GPC6: variants seen among roughly 807,000 people sequenced by gnomAD.
The protein encoded by GPC6 is glypican-6.
GPC6 carries 14 observed loss-of-function variants against 55.2 expected under a neutral mutation model. The ratio of observed to expected loss-of-function variants is 0.25; its 90% CI spans 0.17 to 0.40. The LOEUF is 0.40. GPC6 is among the 10% of genes least tolerant of loss of function. The pLI is 1.00. For synonymous variants in GPC6, 278 were observed against 259.6 expected (o/e 1.07, Z -0.68); for missense variants, 641 against 708.5 (o/e 0.90, Z 1.08).
chr13:93,732,476 T>G (rs1044026528), intron 2 of GPC6, among the ~76,000 whole-genome samples: 1 of 152,174 alleles, frequency 6.6e-6, no homozygotes, highest in Non-Finnish European at 1.5e-5. Context: ...TGAGATATGA[T>G]TAAAAAGATT....
intron 4 of GPC6, among the ~76,000 whole-genome samples, chr13:94,199,052 C>T (rs1889672673): frequency 6.6e-6 from 1 of 152,138 alleles, no homozygotes; most frequent in Admixed American, 6.5e-5. Flanking sequence ...AATGGCATGC[C>T]AGGTTGGCAT....
At position 94,405,269 on chromosome 13, in the gene GPC6, T is replaced by A. The variant is rs1042491783; in HGVS notation, c.*2052T>A. 1.3e-5 allele frequency: 2 copies of A among 152,194 alleles called. No individual in the cohort carries two copies. Among genetic ancestry groups the A allele is most frequent in the Non-Finnish European group, 2.9e-5 (2 of 68,040 alleles). 9.4% of individuals were successfully genotyped at this position (152,194 alleles called of 1,614,324 possible). A position where few individuals can be genotyped will look rare whatever the true frequency, so the allele number is the denominator to read the frequency against. The stretch of plus-strand genomic sequence containing the variant: ...ATGAAATTAACCATCTAGTTCATCA[T>A]TACATACTCCTAGAAAACCATCCAT... On this transcript the variant is annotated 3_prime_UTR_variant, in exon 9 of 9. Coordinates refer to ENST00000377047, the MANE Select transcript of GPC6 (RefSeq NM_005708.5).
chr13:93,296,920 T>C (rs779738587), intron 1 of GPC6, among the ~76,000 whole-genome samples: 1 of 152,016 alleles, frequency 6.6e-6, no homozygotes, highest in Non-Finnish European at 1.5e-5. Context: ...GGAGCAGCCA[T>C]GAGGTAGACA....
chr13:93,994,267 C>T (rs1276637233), intron 3 of GPC6, among the ~76,000 whole-genome samples: 1 of 152,068 alleles, frequency 6.6e-6, no homozygotes, highest in Non-Finnish European at 1.5e-5. Flanking sequence ...AGGTTTATTG[C>T]TATACCATAA....
chr13:93,373,878 GA>G (rs1209435761), intron 1 of GPC6, among the ~76,000 whole-genome samples: 1 of 152,008 alleles, frequency 6.6e-6, no homozygotes, highest in East Asian at 1.9e-4. Flanking sequence ...CAGTAACAAG[GA>G]AAAATGTGCA....
In GPC6 at chr13:93,227,930, C is replaced by G. The variant is rs1467012692; in HGVS notation, c.160+314C>G. Among the ~76,000 whole-genome samples, 1 of 152,164 alleles carries G rather than the reference C, an allele frequency of 6.6e-6. No homozygotes were observed. The highest frequency in any genetic ancestry group is 1.5e-5 in the Non-Finnish European group (1 of 68,026). ...GCTGGCCAGGGAGCCCGGGTCACTC[C>G]GGGGCGGCTGCAAGGCGCAGACGGA... On this transcript the variant is annotated intron_variant, in intron 1 of 8. Coordinates refer to ENST00000377047, the MANE Select transcript of GPC6 (RefSeq NM_005708.5). The surrounding 1 kb of genome is among the most constrained non-coding windows in gnomAD (Gnocchi z 4.3).
At chr13:93,372,662 G>A (rs919849070) in intron 1 of GPC6, among the ~76,000 whole-genome samples, 28 of 152,138 alleles carry the variant, frequency 1.8e-4, no homozygotes, top group Middle Eastern at 3.4e-3. Flanking sequence ...TGCCTCCCCC[G>A]TTCACTTTTT....
intron 1 of GPC6, among the ~76,000 whole-genome samples, chr13:93,509,004 T>A (rs1880840161): frequency 6.6e-6 from 1 of 152,198 alleles, no homozygotes; most frequent in African/African-American, 2.4e-5. Context: ...GAGAGGTGAC[T>A]CCACTGGGAA....
intron 1 of GPC6, among the ~76,000 whole-genome samples, chr13:93,331,990 C>T (rs1310708617): frequency 6.6e-6 from 1 of 152,094 alleles, no homozygotes; most frequent in Non-Finnish European, 1.5e-5. Context: ...GCTTATTTCA[C>T]TTAACATGAT....
chr13:94,306,407 A>C (rs1875951462), intron 6 of GPC6: 1 of 475,078 alleles, frequency 2.1e-6, no homozygotes, highest in Non-Finnish European at 3.8e-6. Flanking sequence ...TTGAAAACTA[A>C]GTTGCCAGTT....
At chr13:94,286,614 A>G (rs1892539147) in intron 5 of GPC6, 135 bp downstream of exon 5, 13 of 771,842 alleles carry the variant, frequency 1.7e-5, no homozygotes, top group Non-Finnish European at 2.1e-5. Flanking sequence ...CTGTTGAGCC[A>G]CAAATTTGCT....
intron 6 of GPC6, among the ~76,000 whole-genome samples, chr13:94,312,198 A>G (rs1161249888): frequency 6.6e-6 from 1 of 152,252 alleles, no homozygotes; most frequent in Non-Finnish European, 1.5e-5. Context: ...TCTGTTTTGT[A>G]TATGAATCTT....
chr13:94,135,094 C>A (rs1887135653), intron 4 of GPC6, among the ~76,000 whole-genome samples: 1 of 152,128 alleles, frequency 6.6e-6, no homozygotes, highest in Non-Finnish European at 1.5e-5. Flanking sequence ...GACCTCAAGT[C>A]CCTTTGAGAC....
chr13:93,753,751 C>T (rs1323562431), intron 2 of GPC6, among the ~76,000 whole-genome samples: 1 of 152,070 alleles, frequency 6.6e-6, no homozygotes, highest in South Asian at 2.1e-4. Context: ...CCTTCCCAGC[C>T]TCTGGTAATC....
At chr13:93,775,707 G>T (rs919749624) in intron 2 of GPC6, among the ~76,000 whole-genome samples, 1 of 152,186 alleles carries the variant, frequency 6.6e-6, no homozygotes, top group Non-Finnish European at 1.5e-5. Flanking sequence ...CATTCGGGCA[G>T]TCTGCAGCAT....
chr13:93,775,377 G>A (rs1885434345), intron 2 of GPC6, among the ~76,000 whole-genome samples: 1 of 152,184 alleles, frequency 6.6e-6, no homozygotes, highest in Non-Finnish European at 1.5e-5. Flanking sequence ...TTCAATTACA[G>A]GCTTAGAGTC....
At chr13:93,626,866 C>T (rs1879224918) in intron 2 of GPC6, among the ~76,000 whole-genome samples, 1 of 151,228 alleles carries the variant, frequency 6.6e-6, no homozygotes, top group Non-Finnish European at 1.5e-5. Flanking sequence ...TATTGGCTCA[C>T]ATTTTCACAA....
At chr13:94,299,321 G>A (rs1875516043) in intron 5 of GPC6, among the ~76,000 whole-genome samples, 1 of 152,188 alleles carries the variant, frequency 6.6e-6, no homozygotes, top group Non-Finnish European at 1.5e-5. Context: ...TTGAGAATTG[G>A]GGAGAACATT....
chr13:94,254,117 A>C (rs774467700), intron 4 of GPC6, among the ~76,000 whole-genome samples: 16 of 152,244 alleles, frequency 1.1e-4, no homozygotes, highest in Non-Finnish European at 1.9e-4. Context: ...AGAGCATTTT[A>C]ATGGCCCTGG....
Sources: gnomAD v4.1 joint callset for allele counts (sites outside exome capture counted in the v4.1 genomes callset) on GRCh38, gnomAD v4.1.1 for gene constraint, Gnocchi (gnomAD v3.1) non-coding constraint, MANE v1.5 for transcripts, NCBI Gene and HGNC (gene_info 2026-07-23, HGNC 2026-07-21) for gene names.